Variants in PCDH9 observed in about 807,000 individuals in gnomAD.
PCDH9 encodes protocadherin 9.
PCDH9 carries 24 observed loss-of-function variants against 70.6 expected under a neutral mutation model. The ratio of observed to expected loss-of-function variants is 0.34; its 90% CI spans 0.25 to 0.48. The LOEUF (loss-of-function observed/expected upper bound fraction) is 0.48, where lower values mean the gene tolerates loss of function less well. Ranked by LOEUF, PCDH9 falls within the 20% of genes least tolerant of loss-of-function variation. PCDH9 has a pLI of 0.99. For missense variants in PCDH9, 1,281 were observed against 1,503.6 expected (o/e 0.85, Z 2.45); for synonymous variants, 562 against 558.5 (o/e 1.01, Z -0.09).
intron 4 of PCDH9, among the ~76,000 whole-genome samples, chr13:66,376,380 G>A (rs186068031): frequency 2.6e-5 from 4 of 152,204 alleles, no homozygotes; most frequent in South Asian, 2.1e-4. Flanking sequence ...GTTTGTTCTC[G>A]AAATTGATCT....
intron 2 of PCDH9, among the ~76,000 whole-genome samples, chr13:67,144,233 G>A (rs956109960): frequency 6.6e-6 from 1 of 152,078 alleles, no homozygotes; most frequent in Non-Finnish European, 1.5e-5. Context: ...TATTTGCCAG[G>A]GAATAATTTA....
intron 2 of PCDH9, among the ~76,000 whole-genome samples, chr13:67,166,632 C>A (rs1189970588): frequency 6.6e-6 from 1 of 152,080 alleles, no homozygotes; most frequent in Non-Finnish European, 1.5e-5. Context: ...ATACATAAGG[C>A]TTGATCAGTA....
chr13:66,860,337 GGGAGGGGAGGGGTGGT>G (rs1219926953), intron 3 of PCDH9, among the ~76,000 whole-genome samples: 2 of 152,116 alleles, frequency 1.3e-5, no homozygotes, highest in Non-Finnish European at 2.9e-5. Context: ...TATTGGCTGG[GGGAGGGGAGGGGTGGT>G]GGAGGGGAGC....
At chr13:67,140,975 T>A (rs2087370665) in intron 2 of PCDH9, among the ~76,000 whole-genome samples, 1 of 152,168 alleles carries the variant, frequency 6.6e-6, no homozygotes, top group Non-Finnish European at 1.5e-5. Context: ...TCTGTAATAT[T>A]TACTCTCTTG....
intron 2 of PCDH9, among the ~76,000 whole-genome samples, chr13:67,023,007 A>C (rs2084709265): frequency 6.6e-6 from 1 of 152,228 alleles, no homozygotes; most frequent in South Asian, 2.1e-4. Flanking sequence ...ATAGCAATTT[A>C]TTCACCAAAT....
intron 3 of PCDH9, among the ~76,000 whole-genome samples, chr13:66,732,456 CCAA>C (rs1399595980): frequency 6.6e-6 from 1 of 151,876 alleles, no homozygotes; most frequent in African/African-American, 2.4e-5. Flanking sequence ...AAGGGCCTTG[CCAA>C]GCTTGGAAAA....
chr13:67,001,817 C>A (rs1289147826), intron 2 of PCDH9: 1 of 152,172 alleles, frequency 6.6e-6, no homozygotes, highest in Non-Finnish European at 1.5e-5. Flanking sequence ...GCTTTTACTT[C>A]TTTCTTGCCT....
At chr13:66,549,258 G>A (rs866418319) in intron 4 of PCDH9, among the ~76,000 whole-genome samples, 2 of 151,956 alleles carry the variant, frequency 1.3e-5, no homozygotes, top group South Asian at 4.2e-4. Context: ...TTAGCTTTTT[G>A]TTTGTTAAGA....
chr13:67,133,709 A>G (rs763572866), intron 2 of PCDH9, among the ~76,000 whole-genome samples: 7 of 152,074 alleles, frequency 4.6e-5, no homozygotes, highest in Non-Finnish European at 8.8e-5. Flanking sequence ...AAATGACTGC[A>G]TTGCCTTTTC....
At chr13:66,448,084 C>A (rs1958132004) in intron 4 of PCDH9, among the ~76,000 whole-genome samples, 1 of 151,804 alleles carries the variant, frequency 6.6e-6, no homozygotes, top group Non-Finnish European at 1.5e-5. Flanking sequence ...CTCTCTTTAT[C>A]CAATAAAGAA....
chr13:66,838,087 A>G (rs1168548199), intron 3 of PCDH9, among the ~76,000 whole-genome samples: 5 of 152,234 alleles, frequency 3.3e-5, no homozygotes, highest in African/African-American at 1.2e-4. Context: ...TGTACTTTTT[A>G]CCATGACTTC....
At chr13:67,152,694 C>T (rs1379284460) in intron 2 of PCDH9, among the ~76,000 whole-genome samples, 3 of 151,186 alleles carry the variant, frequency 2.0e-5, no homozygotes, top group Non-Finnish European at 3.0e-5. Context: ...ACTTTTTTTT[C>T]CAAGTGAGGG....
At chr13:66,471,936 C>T (rs1020524058) in intron 4 of PCDH9, among the ~76,000 whole-genome samples, 6 of 151,988 alleles carry the variant, frequency 3.9e-5, no homozygotes, top group African/African-American at 7.2e-5. Flanking sequence ...TGTGGCCGGG[C>T]GCAGTGGTTC....
intron 2 of PCDH9, among the ~76,000 whole-genome samples, chr13:67,091,653 G>C (rs1181721351): frequency 6.6e-6 from 1 of 152,106 alleles, no homozygotes; most frequent in African/African-American, 2.4e-5. Flanking sequence ...CCCCTTATTA[G>C]TGGTTTCATT....
chr13:66,357,532 C>T (rs2138186053), intron 4 of PCDH9, among the ~76,000 whole-genome samples: 1 of 152,064 alleles, frequency 6.6e-6, no homozygotes, highest in African/African-American at 2.4e-5. Context: ...GATGTCAAAT[C>T]CTTCATAGCT....
chr13:66,710,855 C>T (rs7330019), intron 3 of PCDH9, among the ~76,000 whole-genome samples: 2,976 of 152,226 alleles, frequency 0.02, 104 homozygotes, highest in African/African-American at 0.068. Context: ...TCTTAACCAT[C>T]CTTCCATAGC....
chr13:66,652,624 AT>A (rs1418777342), intron 3 of PCDH9, among the ~76,000 whole-genome samples: 1 of 152,106 alleles, frequency 6.6e-6, no homozygotes, highest in Non-Finnish European at 1.5e-5. Context: ...ACAAAAAACA[AT>A]TTTAAAAAGT....
chr13:66,317,137 T>G (rs1421795303), intron 4 of PCDH9, among the ~76,000 whole-genome samples: 1 of 152,156 alleles, frequency 6.6e-6, no homozygotes, highest in African/African-American at 2.4e-5. Context: ...ACACTTTGCT[T>G]TTTTCATACA....
chr13:66,917,957 C>T (rs1410138706), intron 2 of PCDH9, among the ~76,000 whole-genome samples: 1 of 151,190 alleles, frequency 6.6e-6, no homozygotes, highest in African/African-American at 2.4e-5. Flanking sequence ...TCTTAGGTGT[C>T]CAGAAAAGGA....
Sources: allele counts gnomAD v4.1 joint callset (sites outside exome capture counted in the v4.1 genomes callset), GRCh38; gene constraint gnomAD v4.1.1; transcripts MANE v1.5; gene names NCBI Gene and HGNC (gene_info 2026-07-23, HGNC 2026-07-21).